Variants in COL16A1 observed in about 807,000 individuals in gnomAD.
The protein encoded by COL16A1 is collagen alpha-1(XVI) chain.
A neutral mutation model predicts 266.3 loss-of-function variants in COL16A1; 189 were observed. That is an observed-to-expected ratio of 0.71 (90% confidence interval 0.63 to 0.80). The LOEUF is 0.80. Among genes scored for constraint, COL16A1 ranks in the 30% least tolerant of loss-of-function variants. The pLI is 0.00. For synonymous variants in COL16A1, 740 were observed against 782.3 expected (o/e 0.95, Z 0.90); for missense variants, 1,928 against 2,122.4 (o/e 0.91, Z 1.80).
At position 31,668,741 on chromosome 1, in the gene COL16A1, C is replaced by T. The variant is rs369500355; in HGVS notation, c.3249+61G>A. ...GCAGCCACCCTTCAGAGCTCAAGCT[C>T]TGCCTCCCCAGCTCTTCCTCCCTTT... On this transcript the variant is annotated intron_variant, in intron 50 of 70. Coordinates refer to ENST00000373672, the MANE Select transcript of COL16A1 (RefSeq NM_001856.4). The surrounding 1 kb of genome is among the most constrained non-coding windows in gnomAD (Gnocchi z 5.8). The T allele has an allele frequency of 1.2e-5, 19 of 1,588,964 alleles. No individual in the cohort carries two copies. In the African/African-American group the frequency reaches 2.6e-4, roughly 21 times the overall value.
chr1:31,673,248 A>C (rs1477490371), intron 44 of COL16A1: 2 of 304,332 alleles, frequency 6.6e-6, no homozygotes, highest in Non-Finnish European at 1.3e-5. Context: ...GCAAAGGAAC[A>C]GCTGCGGGAG....
intron 2 of COL16A1, among the ~76,000 whole-genome samples, chr1:31,700,809 A>C (rs1217686270): frequency 6.6e-6 from 1 of 152,214 alleles, no homozygotes; most frequent in Non-Finnish European, 1.5e-5. Context: ...GTCTGAGGGG[A>C]CCACAAGCTC....
At chr1:31,660,941 C>A (rs1641601219) in intron 61 of COL16A1, 125 bp downstream of exon 61, 2 of 1,089,732 alleles carry the variant, frequency 1.8e-6, no homozygotes, top group South Asian at 1.6e-5. Context: ...GGGTGACACC[C>A]CTCCCAGAAG....
intron 48 of COL16A1, 107 bp downstream of exon 48, chr1:31,671,508 C>T (rs2148710184): frequency 3.6e-6 from 5 of 1,408,254 alleles, no homozygotes; most frequent in Non-Finnish European, 4.9e-6. Context: ...GAAGTTCCCT[C>T]CTCCTGCCTT....
At chr1:31,695,033 G>A in intron 11 of COL16A1, 153 bp downstream of exon 11, 1 of 768,344 alleles carries the variant, frequency 1.3e-6, no homozygotes, top group East Asian at 2.7e-5. Context: ...TGGCAGTGGG[G>A]GTTAAGCCCG....
At chr1:31,672,913 G>A in intron 44 of COL16A1, 73 bp from the exon 45 acceptor site, 1 of 1,425,546 alleles carries the variant, frequency 7.0e-7, no homozygotes, top group Non-Finnish European at 9.8e-7. Context: ...GGGAGCCCCA[G>A]TGAGAACCCA....
rs768728564 is a variant in COL16A1 at position 31,655,470 on chromosome 1, C to A, written c.4134G>T (p.Gln1378His). Residue 1378 changes from glutamine (Q) to histidine (H), a missense_variant, in exon 67 of 71, where the codon CAG becomes CAT. Gln to His is a conservative substitution (Grantham distance 24, BLOSUM62 0). Coordinates refer to ENST00000373672, the MANE Select transcript of COL16A1 (RefSeq NM_001856.4). ...TGCCGGCTCTCCCCTTCTCTCCTGCCTGGCCCTTCTGTCCTGCAGCTCCTG... is the reference window on the plus strand; with the variant it reads ...TGCCGGCTCTCCCCTTCTCTCCTGCATGGCCCTTCTGTCCTGCAGCTCCTG... ...GDPGAAGQKG[Q>H]AGEKGRAGMP... 1.9e-6 allele frequency: 3 copies of A among 1,614,180 alleles called. No individual in the cohort carries two copies. Among genetic ancestry groups the A allele is most frequent in the Non-Finnish European group, 2.5e-6 (3 of 1,180,016 alleles).
Position 31,697,802 on chromosome 1 carries a change from AAGATTCTAAGCAG to A in COL16A1, c.657+91_657+103del. ...TTGGAGGGCAACAGGAAAGCAGGGG[AAGATTCTAAGCAG>A]GAGAAGGACTTGTTCCGATACGGAT... On this transcript the variant is annotated intron_variant, in intron 6 of 70. Transcript: ENST00000373672. This position sits in a 1 kb window ranked among gnomAD's most constrained non-coding sequence, Gnocchi z 4.2. 7.4e-7 allele frequency: 1 copy of A among 1,353,872 alleles called. No homozygotes were observed. The highest frequency in any genetic ancestry group is 2.7e-4 in the Middle Eastern group (1 of 3,676). The allele number at this position is 1,353,872 out of a possible 1,614,324, so 83.9% of individuals were successfully genotyped here.
At chr1:31,659,916 T>G (rs1352449468) in intron 62 of COL16A1, 2 of 150,806 alleles carry the variant, frequency 1.3e-5, no homozygotes, top group African/African-American at 4.9e-5. Flanking sequence ...TCTGGACCCC[T>G]TGAGATGCAT....
chr1:31,683,877 G>A, intron 33 of COL16A1, 73 bp downstream of exon 33: 2 of 1,609,262 alleles, frequency 1.2e-6, no homozygotes, highest in Admixed American at 3.4e-5. Flanking sequence ...CAGGCCCACT[G>A]CCCCCATGGA....
intron 21 of COL16A1, 25 bp downstream of exon 21, chr1:31,690,504 C>A (rs1452747390): frequency 1.2e-6 from 2 of 1,613,950 alleles, no homozygotes; most frequent in African/African-American, 2.7e-5. Context: ...AGCCGACCCT[C>A]CCCCGCTGGA....
chr1:31,691,283 ATCT>A, intron 19 of COL16A1, 57 bp from the exon 20 acceptor site: 2 of 1,606,620 alleles, frequency 1.2e-6, no homozygotes, highest in South Asian at 2.2e-5. Context: ...CTACAGCGAG[ATCT>A]TCTACCCTCA....
intron 26 of COL16A1, among the ~76,000 whole-genome samples, chr1:31,687,734 G>A (rs1038884030): frequency 2.0e-5 from 3 of 152,142 alleles, no homozygotes; most frequent in East Asian, 1.9e-4. Flanking sequence ...GGGAAGAGGC[G>A]GCAGGTGGGG....
chr1:31,661,233 C>A, intron 60 of COL16A1, 114 bp from the exon 61 acceptor site: 1 of 1,463,478 alleles, frequency 6.8e-7, no homozygotes, highest in South Asian at 1.3e-5. Context: ...GCCAGAGGCC[C>A]TCTGATGCCC....
Position 31,668,074 on chromosome 1 carries a change from C to A in COL16A1, c.3303+91G>T. 8.5e-7 allele frequency: 1 copy of A among 1,180,790 alleles called. No homozygotes were observed. Among genetic ancestry groups the A allele is most frequent in the Non-Finnish European group, 1.2e-6 (1 of 818,844 alleles). The allele number at this position is 1,180,790 out of a possible 1,614,324, so 73.1% of individuals were successfully genotyped here. ...GAAATGCCCGGTAATGGGGAGCCCG[C>A]CGAGGGTTGCCCAGCCTGGCTGTGT... On this transcript the variant is annotated intron_variant, in intron 51 of 70. Transcript: ENST00000373672. This position sits in a 1 kb window ranked among gnomAD's most constrained non-coding sequence, Gnocchi z 5.8.
chr1:31,660,434 TG>T, intron 62 of COL16A1, 150 bp downstream of exon 62: 1 of 988,794 alleles, frequency 1.0e-6, no homozygotes, highest in Non-Finnish European at 1.5e-6. Context: ...ACGAAAAGCC[TG>T]GAAACCACAG....
In COL16A1 at chr1:31,697,123, A is replaced by G. The variant is rs1644536009; in HGVS notation, c.739-35T>C. ...GGAAGAGCGGGGCTAGGGTCAGTAC[A>G]GGAGCAGACTCCTCCTAAGACCTCC... On this transcript the variant is annotated intron_variant, in intron 7 of 70. Coordinates refer to ENST00000373672, the MANE Select transcript of COL16A1 (RefSeq NM_001856.4). This position sits in a 1 kb window ranked among gnomAD's most constrained non-coding sequence, Gnocchi z 4.2. 3 of 1,613,622 alleles carry G rather than the reference A, an allele frequency of 1.9e-6. No homozygotes were observed. The highest frequency in any genetic ancestry group is 1.7e-6 in the Non-Finnish European group (2 of 1,179,716).
intron 1 of COL16A1, among the ~76,000 whole-genome samples, chr1:31,703,233 G>T (rs572390655): frequency 6.6e-6 from 1 of 152,116 alleles, no homozygotes; most frequent in South Asian, 2.1e-4. Flanking sequence ...CTTCCTGTTG[G>T]GAAGTTCTAA....
At chr1:31,675,068 CA>C (rs761557364) in intron 43 of COL16A1, 29 bp from the exon 44 acceptor site, 1 of 1,612,978 alleles carries the variant, frequency 6.2e-7, no homozygotes, top group South Asian at 1.1e-5. Context: ...TGGGCTCAAG[CA>C]GGTGAGGGGA....
Sources: allele counts gnomAD v4.1 joint callset (sites outside exome capture counted in the v4.1 genomes callset), GRCh38; gene constraint gnomAD v4.1.1; non-coding constraint Gnocchi (gnomAD v3.1); transcripts MANE v1.5; gene names NCBI Gene and HGNC (gene_info 2026-07-23, HGNC 2026-07-21).